The following ABCC4 variants were observed in gnomAD, a reference collection of about 807,000 sequenced individuals.
ABCC4 encodes ATP binding cassette subfamily C member 4 (PEL blood group).
A neutral mutation model predicts 168.5 loss-of-function variants in ABCC4; 102 were observed. The ratio of observed to expected loss-of-function variants is 0.61; its 90% CI spans 0.52 to 0.71. ABCC4 has a LOEUF of 0.71. Among genes scored for constraint, ABCC4 ranks in the 30% least tolerant of loss-of-function variants. ABCC4 has a pLI of 0.00. For synonymous variants in ABCC4, 617 were observed against 590.7 expected, an observed-to-expected ratio of 1.04 and a Z score of -0.65; for missense variants, 1,402 against 1,605.8, an observed-to-expected ratio of 0.87 and a Z score of 2.17.
At chr13:95,254,494 A>T (rs1330678792) in intron 1 of ABCC4, among the ~76,000 whole-genome samples, 1 of 152,128 alleles carries the variant, frequency 6.6e-6, no homozygotes, top group East Asian at 1.9e-4. Context: ...ATAATGTCCA[A>T]ACAGAACACC....
chr13:95,078,009 GT>G (rs1408104632), intron 21 of ABCC4, among the ~76,000 whole-genome samples: 2 of 152,140 alleles, frequency 1.3e-5, no homozygotes, highest in Non-Finnish European at 2.9e-5. Context: ...GGAGCTGCAG[GT>G]TACTGACTGT....
intron 29 of ABCC4, among the ~76,000 whole-genome samples, chr13:95,041,574 C>T (rs947353729): frequency 2.0e-5 from 3 of 152,182 alleles, no homozygotes; most frequent in African/African-American, 7.2e-5. Flanking sequence ...TTTTGGAGTG[C>T]TGAGCTTTGC....
intron 1 of ABCC4, among the ~76,000 whole-genome samples, chr13:95,256,232 G>A (rs572476837): frequency 4.8e-4 from 73 of 152,262 alleles, no homozygotes; most frequent in African/African-American, 1.7e-3. Flanking sequence ...CATCATGCCC[G>A]GCTAAGTGAG....
intron 21 of ABCC4, among the ~76,000 whole-genome samples, chr13:95,078,397 A>G (rs1009447853): frequency 6.7e-6 from 1 of 148,280 alleles, no homozygotes; most frequent in African/African-American, 2.5e-5. Context: ...TGGGTGACAG[A>G]GCGAGACTAT....
intron 25 of ABCC4, among the ~76,000 whole-genome samples, chr13:95,064,969 C>A (rs1309953556): frequency 6.6e-6 from 1 of 152,184 alleles, no homozygotes; most frequent in Non-Finnish European, 1.5e-5. Flanking sequence ...TTACAATTGA[C>A]CCTTTTTGTT....
chr13:95,195,707 C>T (rs893640605), intron 8 of ABCC4, among the ~76,000 whole-genome samples: 2 of 152,000 alleles, frequency 1.3e-5, no homozygotes, highest in African/African-American at 4.8e-5. Context: ...GATCTCGGTT[C>T]GCTGCAGCCT....
intron 30 of ABCC4, among the ~76,000 whole-genome samples, chr13:95,029,261 G>T (rs1168526058): frequency 3.3e-5 from 1 of 30,216 alleles, no homozygotes; most frequent in African/African-American, 1.0e-4. Flanking sequence ...GAGAAAGAGA[G>T]AGAGAGAGAG....
chr13:95,104,605 AGGCTTC>A (rs769431221), intron 20 of ABCC4, among the ~76,000 whole-genome samples: 3 of 152,226 alleles, frequency 2.0e-5, no homozygotes, highest in Admixed American at 2.0e-4. Context: ...TTCTTTCCCA[AGGCTTC>A]GACTTGTCAA....
intron 4 of ABCC4, among the ~76,000 whole-genome samples, chr13:95,219,667 G>T (rs1382865188): frequency 6.6e-6 from 1 of 151,930 alleles, no homozygotes; most frequent in Non-Finnish European, 1.5e-5. Flanking sequence ...ACCACACTTG[G>T]CTTTTTTGGA....
chr13:95,286,933 GCAA>G (rs1381797784), intron 1 of ABCC4, among the ~76,000 whole-genome samples: 2 of 140,104 alleles, frequency 1.4e-5, no homozygotes, highest in East Asian at 2.1e-4. Flanking sequence ...TCTAGCCTGG[GCAA>G]CAAGAGTGAA....
intron 1 of ABCC4, among the ~76,000 whole-genome samples, chr13:95,272,756 T>C (rs4773864): frequency 0.92 from 139,905 of 152,182 alleles, 64,613 homozygotes; most frequent in East Asian, 1. Context: ...GGTGTGGTGG[T>C]GCATGCCTGT....
intron 1 of ABCC4, among the ~76,000 whole-genome samples, chr13:95,269,631 A>G (rs1388976185): frequency 2.0e-5 from 3 of 152,028 alleles, no homozygotes; most frequent in Non-Finnish European, 4.4e-5. Flanking sequence ...TGTTAACCTT[A>G]TAATTTATTA....
chr13:95,086,771 T>TC (rs1423705559), intron 20 of ABCC4, among the ~76,000 whole-genome samples: 1 of 152,216 alleles, frequency 6.6e-6, no homozygotes, highest in Non-Finnish European at 1.5e-5. Context: ...ATTTGAACTC[T>TC]CCCTCTCTCT....
chr13:95,052,271 GCA>G (rs1328780663), intron 27 of ABCC4, among the ~76,000 whole-genome samples: 1 of 152,288 alleles, frequency 6.6e-6, no homozygotes, highest in East Asian at 1.9e-4. Flanking sequence ...ATCAACCGCT[GCA>G]CCCAGCCTTA....
chr13:95,299,444 C>T lies in ABCC4; in HGVS notation c.74+1797G>A, dbSNP rs191319807. Among the ~76,000 whole-genome samples the T allele has an allele frequency of 7.2e-5, 11 of 152,252 alleles. No homozygotes were observed. In the East Asian group the frequency reaches 1.7e-3, roughly 24 times the overall value. ...GTTCCTACACCCACTGAGTGTACCA[C>T]AATCGAAACAAGAGTAAGCGACTCA... On this transcript the variant is annotated intron_variant, in intron 1 of 30. Transcript: ENST00000645237.
intron 21 of ABCC4, among the ~76,000 whole-genome samples, chr13:95,082,809 TTTAA>T (rs2034140306): frequency 6.6e-6 from 1 of 152,190 alleles, no homozygotes; most frequent in Non-Finnish European, 1.5e-5. Flanking sequence ...AAGAAAAATG[TTTAA>T]TTAAGTGCCG....
intron 30 of ABCC4, among the ~76,000 whole-genome samples, chr13:95,022,339 C>T (rs1329781097): frequency 1.3e-5 from 2 of 152,140 alleles, no homozygotes; most frequent in Non-Finnish European, 2.9e-5. Flanking sequence ...CTTTGCCAAG[C>T]CTTTGAGTTC....
intron 19 of ABCC4, among the ~76,000 whole-genome samples, chr13:95,135,713 C>T (rs1175755496): frequency 6.6e-6 from 1 of 152,048 alleles, no homozygotes; most frequent in Non-Finnish European, 1.5e-5. Context: ...TGCACCTGGC[C>T]CATAATTCCT....
At chr13:95,281,296 T>A (rs2041117712) in intron 1 of ABCC4, among the ~76,000 whole-genome samples, 2 of 69,036 alleles carry the variant, frequency 2.9e-5, no homozygotes, top group Admixed American at 2.1e-4. Context: ...ACAGAGACTC[T>A]CTCAAAAAAA....
Sources: gnomAD v4.1 joint callset for allele counts (sites outside exome capture counted in the v4.1 genomes callset) on GRCh38, gnomAD v4.1.1 for gene constraint, MANE v1.5 for transcripts, NCBI Gene and HGNC (gene_info 2026-07-23, HGNC 2026-07-21) for gene names.